Variants in EYS observed in about 807,000 individuals in gnomAD.
EYS encodes the protein protein eyes shut homolog.
EYS carries 250 observed loss-of-function variants against 282.1 expected under a neutral mutation model. The observed-to-expected ratio is 0.89, with a 90% confidence interval of 0.80 to 0.98. The LOEUF (loss-of-function observed/expected upper bound fraction) is 0.98. Ranked by LOEUF, EYS falls within the 50% of genes least tolerant of loss-of-function variation. The pLI is 0.00. For synonymous variants in EYS, 1,355 were observed against 1,282.9 expected (o/e 1.06, Z -1.20); for missense variants, 4,016 against 3,709.0 (o/e 1.08, Z -2.15).
intron 30 of EYS, among the ~76,000 whole-genome samples, chr6:64,234,843 G>A (rs1766533127): frequency 2.0e-5 from 3 of 150,994 alleles, no homozygotes; most frequent in Admixed American, 6.6e-5. Context: ...ATGTTTTCAA[G>A]GTTCACCCAT....
intron 13 of EYS, among the ~76,000 whole-genome samples, chr6:65,048,730 T>C (rs929000874): frequency 3.3e-5 from 5 of 151,880 alleles, no homozygotes; most frequent in Admixed American, 3.3e-4. Flanking sequence ...AATGTGCTTC[T>C]TCCACTCCTG....
chr6:64,384,668 T>C (rs1772852723), intron 29 of EYS, among the ~76,000 whole-genome samples: 1 of 152,184 alleles, frequency 6.6e-6, no homozygotes, highest in Non-Finnish European at 1.5e-5. Context: ...CTGAAAAGTG[T>C]AAGCAATTAA....
In EYS at chr6:65,495,415, G is replaced by A. The variant is rs371278576; in HGVS notation, c.-5C>T. The A allele has an allele frequency of 3.7e-6, 6 of 1,607,644 alleles. No individual in the cohort carries two copies. The African/African-American group carries it at 4.0e-5, about 11-fold the overall frequency. ...GACGATTGATTTGTCAGTCATTTTC[G>A]GGTAGCTGTATTTTACAGTTTATCA... On this transcript the variant is annotated 5_prime_UTR_variant, in exon 4 of 43. Coordinates refer to ENST00000503581, the MANE Select transcript of EYS (RefSeq NM_001142800.2).
chr6:64,138,856 A>T (rs1480279294), intron 31 of EYS, among the ~76,000 whole-genome samples: 1 of 152,200 alleles, frequency 6.6e-6, no homozygotes, highest in Non-Finnish European at 1.5e-5. Context: ...AGAAATTAAA[A>T]TCCGAAGCAT....
intron 7 of EYS, among the ~76,000 whole-genome samples, chr6:65,390,530 A>T (rs1310642032): frequency 3.3e-5 from 5 of 151,950 alleles, no homozygotes; most frequent in African/African-American, 9.7e-5. Context: ...TGACCAACTC[A>T]GAAGGCTACA....
At position 65,172,721 on chromosome 6, in the gene EYS, G is replaced by A. The variant is rs1022195557; in HGVS notation, c.2024-114994C>T. Among the ~76,000 whole-genome samples the A allele has an allele frequency of 3.3e-5, 5 of 151,446 alleles. No homozygotes were observed. In the East Asian group the frequency reaches 9.8e-4, roughly 30 times the overall value. ...TTCCAATTTTGGTCCTTGCAAACTTGTTTAGGAAAAATGAGAGAACACTTT... is the reference window on the plus strand; with the variant it reads ...TTCCAATTTTGGTCCTTGCAAACTTATTTAGGAAAAATGAGAGAACACTTT... On this transcript the variant is annotated intron_variant, in intron 12 of 42. Transcript: ENST00000503581.
Position 64,886,845 on chromosome 6 carries a change from G to T in EYS, c.2847-3C>A. The stretch of plus-strand genomic sequence containing the variant: ...CAGGTTCACAATTACAAAAAAATCT[G>T]GAGAAAAGTGGAGAAATGAGGAATA... On this transcript the variant is annotated splice_polypyrimidine_tract_variant and splice_region_variant and intron_variant, in intron 18 of 42. Coordinates refer to ENST00000503581, the MANE Select transcript of EYS (RefSeq NM_001142800.2). The T allele has an allele frequency of 6.7e-7, 1 of 1,491,870 alleles. No individual in the cohort carries two copies. 92.4% of individuals were successfully genotyped at this position (1,491,870 alleles called of 1,614,324 possible). A position where few individuals can be genotyped will look rare whatever the true frequency, so the allele number is the denominator to read the frequency against.
chr6:64,445,567 T>C (rs1348232947), intron 26 of EYS, among the ~76,000 whole-genome samples: 1 of 152,090 alleles, frequency 6.6e-6, no homozygotes, highest in Non-Finnish European at 1.5e-5. Flanking sequence ...AGTTCAAGAA[T>C]AGGGTGGGTT....
At chr6:64,750,641 G>A (rs1583112845) in intron 22 of EYS, among the ~76,000 whole-genome samples, 3 of 152,140 alleles carry the variant, frequency 2.0e-5, no homozygotes, top group Admixed American at 2.0e-4. Flanking sequence ...GAATTTCTAG[G>A]TTATTTAAAT....
At chr6:64,355,514 C>A (rs1482013668) in intron 29 of EYS, among the ~76,000 whole-genome samples, 1 of 151,532 alleles carries the variant, frequency 6.6e-6, no homozygotes, top group Non-Finnish European at 1.5e-5. Context: ...CTTTTCCATG[C>A]ATGCAATACT....
chr6:63,841,627 T>C (rs1771961688), intron 36 of EYS, among the ~76,000 whole-genome samples: 1 of 152,236 alleles, frequency 6.6e-6, no homozygotes, highest in Non-Finnish European at 1.5e-5. Flanking sequence ...TTTTATATTA[T>C]ACTTTAAGTT....
intron 31 of EYS, among the ~76,000 whole-genome samples, chr6:64,208,876 A>C (rs887347249): frequency 6.6e-6 from 1 of 152,156 alleles, no homozygotes; most frequent in Non-Finnish European, 1.5e-5. Flanking sequence ...GTAATTGCTC[A>C]TGTTAAACCT....
intron 19 of EYS, among the ~76,000 whole-genome samples, chr6:64,849,655 G>A (rs954551683): frequency 6.6e-6 from 1 of 151,850 alleles, no homozygotes; most frequent in African/African-American, 2.4e-5. Context: ...CTCTGGGGAG[G>A]AATTTTTTAT....
intron 12 of EYS, among the ~76,000 whole-genome samples, chr6:65,062,596 T>G (rs761837370): frequency 6.6e-5 from 10 of 151,966 alleles, no homozygotes; most frequent in Admixed American, 2.0e-4. Flanking sequence ...GATAAGGCCC[T>G]GAAAACCTTT....
At chr6:64,187,996 CA>C (rs1764997794) in intron 31 of EYS, among the ~76,000 whole-genome samples, 1 of 151,964 alleles carries the variant, frequency 6.6e-6, no homozygotes, top group Non-Finnish European at 1.5e-5. Flanking sequence ...CTGTAACATA[CA>C]AAGTAATGAG....
intron 22 of EYS, among the ~76,000 whole-genome samples, chr6:64,676,401 A>T (rs1769684121): frequency 6.7e-6 from 1 of 149,968 alleles, no homozygotes; most frequent in African/African-American, 2.4e-5. Flanking sequence ...AGAGAGGAGC[A>T]TTATAGGTAC....
intron 15 of EYS, among the ~76,000 whole-genome samples, chr6:64,938,833 ATT>A (rs1768998543): frequency 6.6e-6 from 1 of 151,686 alleles, no homozygotes; most frequent in African/African-American, 2.4e-5. Context: ...AAATAACCCT[ATT>A]GTAAGTTAAG....
intron 12 of EYS, among the ~76,000 whole-genome samples, chr6:65,220,309 A>T (rs1766428610): frequency 6.6e-6 from 1 of 152,154 alleles, no homozygotes. Context: ...CATGCACTAG[A>T]CACTCTGCTA....
rs544618822 is a variant in EYS at position 65,436,705 on chromosome 6, A to C, written c.863-31338T>G. Among the ~76,000 whole-genome samples the C allele has an allele frequency of 2.8e-4, 42 of 152,292 alleles. 1 individual carries two copies. Among genetic ancestry groups the C allele is most frequent in the Middle Eastern group, 6.8e-3 (2 of 294 alleles). On this transcript the variant is annotated intron_variant, in intron 5 of 42. Coordinates refer to ENST00000503581, the MANE Select transcript of EYS (RefSeq NM_001142800.2). ...GATTGCTGAGAAAATATCAATATAC[A>C]AAATAGATAAATGTCCTATATACCT... is the stretch of plus-strand genomic sequence containing the variant.
Sources: gnomAD v4.1 joint callset for allele counts (sites outside exome capture counted in the v4.1 genomes callset) on GRCh38, gnomAD v4.1.1 for gene constraint, MANE v1.5 for transcripts, NCBI Gene and HGNC (gene_info 2026-07-23, HGNC 2026-07-21) for gene names.